Variants in CNTNAP5 observed in about 807,000 individuals in gnomAD.
CNTNAP5 encodes contactin-associated protein-like 5.
In CNTNAP5, 72 loss-of-function variants were observed where a neutral mutation model predicts 150.2. That is an observed-to-expected ratio of 0.48 (90% CI 0.40 to 0.58). The LOEUF is 0.58. Among genes scored for constraint, CNTNAP5 ranks in the 20% least tolerant of loss-of-function variants. The pLI is 0.00. For missense variants in CNTNAP5, 1,636 were observed against 1,626.2 expected (o/e 1.01, Z -0.10); for synonymous variants, 672 against 619.8 (o/e 1.08, Z -1.25).
intron 12 of CNTNAP5, among the ~76,000 whole-genome samples, chr2:124,618,770 G>A (rs1677542699): frequency 1.3e-5 from 2 of 152,148 alleles, no homozygotes; most frequent in South Asian, 4.1e-4. Context: ...AAAAACGTCT[G>A]GGGAAAATGA....
intron 21 of CNTNAP5, among the ~76,000 whole-genome samples, chr2:124,893,552 C>T (rs1678244638): frequency 6.6e-6 from 1 of 152,038 alleles, no homozygotes; most frequent in Non-Finnish European, 1.5e-5. Flanking sequence ...GTGGAAGCTC[C>T]ATAATTAGTG....
At chr2:124,202,069 G>A (rs1685740740) in intron 1 of CNTNAP5, among the ~76,000 whole-genome samples, 1 of 152,120 alleles carries the variant, frequency 6.6e-6, no homozygotes, top group African/African-American at 2.4e-5. Flanking sequence ...TTGTTACAAT[G>A]TAAATCAGTC....
At chr2:124,554,087 A>G (rs1315543407) in intron 10 of CNTNAP5, among the ~76,000 whole-genome samples, 1 of 152,026 alleles carries the variant, frequency 6.6e-6, no homozygotes, top group Non-Finnish European at 1.5e-5. Context: ...TTGTTCTTTA[A>G]GTTTTTTTTT....
intron 1 of CNTNAP5, among the ~76,000 whole-genome samples, chr2:124,203,500 C>A (rs1380176987): frequency 6.6e-6 from 1 of 152,180 alleles, no homozygotes. Context: ...GGAGCTCCAA[C>A]CCCACATTTT....
At chr2:124,231,284 G>C (rs1228712707) in intron 2 of CNTNAP5, among the ~76,000 whole-genome samples, 1 of 152,104 alleles carries the variant, frequency 6.6e-6, no homozygotes, top group Non-Finnish European at 1.5e-5. Context: ...TAAAAAGAAG[G>C]AATTGTGTTG....
chr2:124,755,900 A>G (rs1680830152), intron 14 of CNTNAP5, among the ~76,000 whole-genome samples: 1 of 152,170 alleles, frequency 6.6e-6, no homozygotes, highest in African/African-American at 2.4e-5. Flanking sequence ...GAAAGAACAA[A>G]TTGTGGATTT....
At chr2:124,140,060 C>G (rs998478272) in intron 1 of CNTNAP5, among the ~76,000 whole-genome samples, 4 of 152,006 alleles carry the variant, frequency 2.6e-5, no homozygotes, top group Non-Finnish European at 5.9e-5. Flanking sequence ...CACTCCCACC[C>G]GAATATTGCG....
chr2:124,867,394 G>A (rs1451444890), intron 20 of CNTNAP5, among the ~76,000 whole-genome samples: 1 of 152,090 alleles, frequency 6.6e-6, no homozygotes, highest in African/African-American at 2.4e-5. Context: ...ATACCGAAAA[G>A]GTATTGCCTC....
At position 124,179,757 on chromosome 2, in the gene CNTNAP5, A is replaced by C. The variant is rs947358676; in HGVS notation, c.83-41948A>C. On this transcript the variant is annotated intron_variant, in intron 1 of 23. Transcript: ENST00000682447. Reference sequence around the variant, plus strand: ...ACAAATGTATTTACAACTTCTATTAAAATCCTAACCCTGTAGCTTTAACAA... The same window carrying C: ...ACAAATGTATTTACAACTTCTATTACAATCCTAACCCTGTAGCTTTAACAA... 2.0e-5 allele frequency among the ~76,000 whole-genome samples: 3 copies of C among 152,204 alleles called. No homozygotes were observed. In the East Asian group the frequency reaches 5.8e-4, roughly 29 times the overall value.
At position 124,686,607 on chromosome 2, in the gene CNTNAP5, C is replaced by T. The variant is rs928930741; in HGVS notation, c.2077+38649C>T. ...GACATGGGAGTGAAGTTATCTTGGACATTCCAATCCCAGCTGCCATCTGAC... is the reference window on the plus strand; with the variant it reads ...GACATGGGAGTGAAGTTATCTTGGATATTCCAATCCCAGCTGCCATCTGAC... On this transcript the variant is annotated intron_variant, in intron 13 of 23. Transcript: ENST00000682447. Among the ~76,000 whole-genome samples the T allele has an allele frequency of 3.3e-5, 5 of 152,238 alleles. No homozygotes were observed. In the East Asian group the frequency reaches 5.8e-4, roughly 18 times the overall value.
intron 1 of CNTNAP5, among the ~76,000 whole-genome samples, chr2:124,101,230 T>C (rs1276605156): frequency 1.3e-5 from 2 of 152,220 alleles, no homozygotes; most frequent in Non-Finnish European, 2.9e-5. Flanking sequence ...TACTATATAA[T>C]ATATTCCTTA....
chr2:124,345,626 A>G (rs1446776315), intron 3 of CNTNAP5, among the ~76,000 whole-genome samples: 5 of 152,194 alleles, frequency 3.3e-5, no homozygotes, highest in African/African-American at 1.2e-4. Flanking sequence ...TTATATTTTC[A>G]TAGTATCCAT....
At chr2:124,147,026 T>C (rs191294209) in intron 1 of CNTNAP5, among the ~76,000 whole-genome samples, 183 of 152,242 alleles carry the variant, frequency 1.2e-3, no homozygotes, top group African/African-American at 4.1e-3. Flanking sequence ...TGACATAGCA[T>C]TTATAACAAG....
At chr2:124,290,065 C>A (rs1215815450) in intron 3 of CNTNAP5, among the ~76,000 whole-genome samples, 8 of 152,072 alleles carry the variant, frequency 5.3e-5, no homozygotes, top group Admixed American at 5.2e-4. Context: ...GAAGACATTG[C>A]AAAGGGTACT....
At chr2:124,315,198 T>A (rs527757219) in intron 3 of CNTNAP5, among the ~76,000 whole-genome samples, 2 of 152,246 alleles carry the variant, frequency 1.3e-5, no homozygotes, top group Admixed American at 1.3e-4. Flanking sequence ...TAGCCTCAAG[T>A]GGTCCTCCTG....
intron 1 of CNTNAP5, among the ~76,000 whole-genome samples, chr2:124,125,757 A>T (rs768154133): frequency 6.6e-6 from 1 of 152,122 alleles, no homozygotes; most frequent in Non-Finnish European, 1.5e-5. Flanking sequence ...GGATTAAGAA[A>T]CTCACTCAAA....
intron 12 of CNTNAP5, among the ~76,000 whole-genome samples, chr2:124,624,244 A>G (rs961345047): frequency 6.6e-6 from 1 of 152,230 alleles, no homozygotes; most frequent in Non-Finnish European, 1.5e-5. Context: ...TTGAGTTGCC[A>G]AGAATTTTAA....
At chr2:124,434,909 A>G (rs566670018) in intron 5 of CNTNAP5, among the ~76,000 whole-genome samples, 2 of 152,336 alleles carry the variant, frequency 1.3e-5, no homozygotes, top group South Asian at 2.1e-4. Context: ...GTATTTATTG[A>G]CCTAACTACG....
At chr2:124,335,571 G>A (rs1008868798) in intron 3 of CNTNAP5, among the ~76,000 whole-genome samples, 1 of 149,444 alleles carries the variant, frequency 6.7e-6, no homozygotes, top group African/African-American at 2.5e-5. Context: ...AGGATGAGAC[G>A]ACATGAATAT....
Sources: gnomAD v4.1 joint callset for allele counts (sites outside exome capture counted in the v4.1 genomes callset) on GRCh38, gnomAD v4.1.1 for gene constraint, MANE v1.5 for transcripts, NCBI Gene and HGNC (gene_info 2026-07-23, HGNC 2026-07-21) for gene names.